The following ADAM7 variants were observed in gnomAD, a reference collection of about 807,000 sequenced individuals.
ADAM7 encodes ADAM metallopeptidase domain 7, also known as disintegrin and metalloproteinase domain-containing protein 7.
In ADAM7, 97 loss-of-function variants were observed where a neutral mutation model predicts 102.9. The ratio of observed to expected loss-of-function variants is 0.94; its 90% CI spans 0.80 to 1.12. The LOEUF is 1.12. Ranked by LOEUF, ADAM7 falls within the 50% of genes most tolerant of loss-of-function variation. The probability of loss-of-function intolerance (pLI) is 0.00; values close to 1 mark genes in which losing one functional copy is unlikely to be tolerated. For synonymous variants in ADAM7, 334 were observed against 304.4 expected (o/e 1.10, Z -1.01); for missense variants, 991 against 908.7 (o/e 1.09, Z -1.16).
chr8:24,447,276 T>C lies in ADAM7; in HGVS notation c.233+14T>C, dbSNP rs1394452362. ...TCTAAGATCCAGGTAAGTTCTATTGTGATTCCAGTACCTTATAGATTTTAG... is the reference window on the plus strand; with the variant it reads ...TCTAAGATCCAGGTAAGTTCTATTGCGATTCCAGTACCTTATAGATTTTAG... On this transcript the variant is annotated intron_variant, in intron 3 of 21. Transcript: ENST00000175238. 2 of 1,445,840 alleles carry C rather than the reference T, an allele frequency of 1.4e-6. No homozygotes were observed. The highest frequency in any genetic ancestry group is 1.9e-6 in the Non-Finnish European group (2 of 1,057,982). 89.6% of individuals were successfully genotyped at this position (1,445,840 alleles called of 1,614,324 possible).
In ADAM7 at chr8:24,499,322, A is replaced by T. The variant is rs759156006; in HGVS notation, c.1923+6A>T. 6.3e-7 allele frequency: 1 copy of T among 1,588,958 alleles called. No individual in the cohort carries two copies. The highest frequency in any genetic ancestry group is 8.6e-7 in the Non-Finnish European group (1 of 1,166,118). ...CTCAGTGCAATGAAAATCCTGTAAG[A>T]TATGACTGCTTTCAAAATTAATGTC... On this transcript the variant is annotated splice_donor_region_variant and intron_variant, in intron 17 of 21. Coordinates refer to ENST00000175238, the MANE Select transcript of ADAM7 (RefSeq NM_003817.4).
chr8:24,493,762 G>A (rs967137078), intron 16 of ADAM7, among the ~76,000 whole-genome samples: 1 of 152,144 alleles, frequency 6.6e-6, no homozygotes, highest in Non-Finnish European at 1.5e-5. Context: ...TCTTAAATGA[G>A]TAACATTTCA....
intron 9 of ADAM7, among the ~76,000 whole-genome samples, chr8:24,482,936 C>T (rs1820010341): frequency 6.6e-6 from 1 of 152,122 alleles, no homozygotes; most frequent in African/African-American, 2.4e-5. Context: ...TAACTCCTCT[C>T]GCCCTCCCAT....
At chr8:24,481,079 C>A (rs769366284) in intron 8 of ADAM7, among the ~76,000 whole-genome samples, 1 of 151,372 alleles carries the variant, frequency 6.6e-6, no homozygotes, top group Non-Finnish European at 1.5e-5. Flanking sequence ...AACAAACAAA[C>A]AAACAAACAA....
At chr8:24,453,125 T>A (rs2129376311) in intron 3 of ADAM7, among the ~76,000 whole-genome samples, 1 of 152,038 alleles carries the variant, frequency 6.6e-6, no homozygotes, top group East Asian at 1.9e-4. Context: ...GACAATTATG[T>A]GTGTTGGAGT....
chr8:24,508,417 A>T, intron 21 of ADAM7, 129 bp from the exon 22 acceptor site: 1 of 882,554 alleles, frequency 1.1e-6, no homozygotes, highest in South Asian at 1.7e-5. Flanking sequence ...CTATAAAAGC[A>T]TGAATAAATG....
At chr8:24,500,107 C>T (rs747431758) in intron 17 of ADAM7, 71 bp from the exon 18 acceptor site, 19 of 1,396,148 alleles carry the variant, frequency 1.4e-5, no homozygotes, top group Non-Finnish European at 1.7e-5. Flanking sequence ...AGAGGTAGCA[C>T]TAAAGTAAGT....
chr8:24,503,524 G>A (rs1248794602), intron 20 of ADAM7, among the ~76,000 whole-genome samples: 1 of 152,082 alleles, frequency 6.6e-6, no homozygotes, highest in Non-Finnish European at 1.5e-5. Flanking sequence ...TCCCATTACT[G>A]GGTATATACC....
At chr8:24,474,505 G>C (rs570633902) in intron 7 of ADAM7, among the ~76,000 whole-genome samples, 1 of 152,008 alleles carries the variant, frequency 6.6e-6, no homozygotes, top group Non-Finnish European at 1.5e-5. Flanking sequence ...AAGTTCCTAA[G>C]GTAAATCATC....
intron 7 of ADAM7, among the ~76,000 whole-genome samples, chr8:24,474,330 G>A (rs1337293062): frequency 6.6e-6 from 1 of 152,088 alleles, no homozygotes; most frequent in Non-Finnish European, 1.5e-5. Flanking sequence ...AATAATATAT[G>A]TGTTATTAAA....
intron 10 of ADAM7, 125 bp downstream of exon 10, chr8:24,485,486 C>A: frequency 1.4e-6 from 1 of 722,024 alleles, no homozygotes; most frequent in Non-Finnish European, 2.2e-6. Flanking sequence ...ATGTCATGAA[C>A]AGACTGTTAT....
chr8:24,453,441 A>G (rs1818878801), intron 3 of ADAM7, among the ~76,000 whole-genome samples: 1 of 152,122 alleles, frequency 6.6e-6, no homozygotes, highest in Non-Finnish European at 1.5e-5. Flanking sequence ...AATTGATCAC[A>G]TCGGCTCCTG....
chr8:24,464,022 A>G (rs1819341894), intron 4 of ADAM7, 62 bp downstream of exon 4: 1 of 1,455,132 alleles, frequency 6.9e-7, no homozygotes, highest in African/African-American at 1.4e-5. Flanking sequence ...TGTGATTTTG[A>G]AACCCTGTTC....
chr8:24,452,827 C>G (rs965663782), intron 3 of ADAM7, among the ~76,000 whole-genome samples: 2 of 151,348 alleles, frequency 1.3e-5, no homozygotes, highest in Non-Finnish European at 2.9e-5. Context: ...CCTTCAGGAG[C>G]TCTTGTAGGG....
chr8:24,507,454 G>A (rs1454005603), intron 20 of ADAM7, 26 bp from the exon 21 acceptor site: 1 of 1,591,712 alleles, frequency 6.3e-7, no homozygotes, highest in Non-Finnish European at 8.6e-7. Flanking sequence ...TGTGGCACAT[G>A]ATACAACATA....
intron 8 of ADAM7, among the ~76,000 whole-genome samples, chr8:24,479,288 T>A (rs1176714848): frequency 6.6e-6 from 1 of 152,172 alleles, no homozygotes; most frequent in Non-Finnish European, 1.5e-5. Context: ...CATTTTCCTC[T>A]CCATTGGTAG....
chr8:24,488,186 G>A (rs1389243378), intron 11 of ADAM7, among the ~76,000 whole-genome samples: 1 of 152,132 alleles, frequency 6.6e-6, no homozygotes, highest in Non-Finnish European at 1.5e-5. Flanking sequence ...CAAGGTCAGA[G>A]GGTTTTGTCT....
At chr8:24,498,548 AG>A (rs1193149473) in intron 16 of ADAM7, among the ~76,000 whole-genome samples, 1 of 131,006 alleles carries the variant, frequency 7.6e-6, no homozygotes, top group Admixed American at 8.4e-5. Flanking sequence ...AAGGACTAAG[AG>A]TATATATATA....
chr8:24,506,196 C>T, intron 20 of ADAM7: 1 of 1,405,484 alleles, frequency 7.1e-7, no homozygotes, highest in Non-Finnish European at 9.7e-7. Flanking sequence ...TGGGCTATGT[C>T]CTTTCCAATA....
Sources: gnomAD v4.1 joint callset for allele counts (sites outside exome capture counted in the v4.1 genomes callset) on GRCh38, gnomAD v4.1.1 for gene constraint, MANE v1.5 for transcripts, NCBI Gene and HGNC (gene_info 2026-07-23, HGNC 2026-07-21) for gene names.